The following TTC21B variants were observed in gnomAD, a reference collection of about 807,000 sequenced individuals.
The protein encoded by TTC21B is tetratricopeptide repeat protein 21B.
TTC21B carries 127 observed loss-of-function variants against 175.1 expected under a neutral mutation model. The ratio of observed to expected loss-of-function variants is 0.73; its 90% CI spans 0.63 to 0.84. TTC21B has a LOEUF of 0.84. TTC21B is among the 40% of genes least tolerant of loss of function. The pLI is 0.00. For synonymous variants in TTC21B, 524 were observed against 524.5 expected (o/e 1.00, Z 0.01); for missense variants, 1,561 against 1,558.3 (o/e 1.00, Z -0.03).
chr2:165,923,442 C>CTT (rs772438655), intron 12 of TTC21B, among the ~76,000 whole-genome samples: 3 of 130,338 alleles, frequency 2.3e-5, no homozygotes, highest in Admixed American at 7.9e-5. Flanking sequence ...ATATGATGGT[C>CTT]TTTTTTTTTT....
At chr2:165,907,962 T>C (rs1327695824) in intron 18 of TTC21B, among the ~76,000 whole-genome samples, 178 bp from the exon 19 acceptor site, 1 of 151,886 alleles carries the variant, frequency 6.6e-6, no homozygotes, top group East Asian at 1.9e-4. Context: ...AAAGAAAAGA[T>C]TTAGGATAAA....
intron 27 of TTC21B, among the ~76,000 whole-genome samples, chr2:165,878,533 G>C (rs1383095940): frequency 2.0e-5 from 3 of 151,548 alleles, no homozygotes; most frequent in Non-Finnish European, 2.9e-5. Flanking sequence ...TGTAGATGTG[G>C]GTGTGTAGAT....
Position 165,917,310 on chromosome 2 carries a change from G to T in TTC21B, c.1846C>A (p.Arg616Ser). The stretch of plus-strand genomic sequence containing the variant: ...ATCAATTCAAGAAAGATCGATAAAC[G>T]ATGGCTTGTATCAACTTCAGTTTTT... ...DRKTEVDTSH[R>S]LSIFLELIDV... Residue 616 changes from arginine to serine, a missense_variant, in exon 14 of 29, where the codon CGT becomes AGT. Transcript: ENST00000243344. The T allele has an allele frequency of 1.2e-6, 2 of 1,614,124 alleles. No individual in the cohort carries two copies. Among genetic ancestry groups the T allele is most frequent in the Non-Finnish European group, 8.5e-7 (1 of 1,180,022 alleles).
At chr2:165,908,471 T>C (rs921311639) in intron 18 of TTC21B, among the ~76,000 whole-genome samples, 2 of 152,198 alleles carry the variant, frequency 1.3e-5, no homozygotes, top group African/African-American at 4.8e-5. Context: ...CCAAATGTTT[T>C]GTGTCTAAGA....
At chr2:165,899,910 C>T (rs750519254) in intron 20 of TTC21B, 30 bp from the exon 21 acceptor site, 1 of 1,314,210 alleles carries the variant, frequency 7.6e-7, no homozygotes, top group Non-Finnish European at 1.1e-6. Flanking sequence ...ATTCATCAGA[C>T]ACTGTATAGA....
intron 8 of TTC21B, 139 bp downstream of exon 8, chr2:165,931,619 C>T (rs1202865182): frequency 2.7e-6 from 2 of 751,476 alleles, no homozygotes; most frequent in Non-Finnish European, 4.6e-6. Flanking sequence ...TCTAAACTGC[C>T]TTTCCTAGGA....
chr2:165,921,945 G>A (rs1686424605), intron 12 of TTC21B, among the ~76,000 whole-genome samples: 2 of 151,846 alleles, frequency 1.3e-5, no homozygotes, highest in African/African-American at 2.4e-5. Flanking sequence ...TGTACCCAAT[G>A]TACATAGTCT....
chr2:165,943,192 G>C, intron 5 of TTC21B, 27 bp downstream of exon 5: 2 of 1,611,436 alleles, frequency 1.2e-6, no homozygotes, highest in Non-Finnish European at 1.7e-6. Flanking sequence ...TTTGAAACAT[G>C]ATTTATTTAC....
chr2:165,898,716 GA>G lies in TTC21B; in HGVS notation c.2919del (p.His974IlefsTer6). The G allele has an allele frequency of 6.2e-7, 1 of 1,613,442 alleles. No homozygotes were observed. Among genetic ancestry groups the G allele is most frequent in the South Asian group, 1.1e-5 (1 of 91,068 alleles). On this transcript the variant is annotated frameshift_variant, in exon 22 of 29. Transcript: ENST00000243344. LOFTEE classifies it high-confidence loss of function. ...TTACGTTCTAAAAGCTGCTGTAAAT[GA>G]AACACTGCTTGTTCATAGTCTTGTT... The part of the protein sequence containing the change: ...FRKQDYEQAV[F>X]HLQQLLERKP...
At chr2:165,918,302 A>AT (rs924464965) in intron 13 of TTC21B, among the ~76,000 whole-genome samples, 39 of 149,874 alleles carry the variant, frequency 2.6e-4, no homozygotes, top group African/African-American at 7.1e-4. Context: ...ATTTTCTGCA[A>AT]TTTTTTTTTT....
intron 14 of TTC21B, among the ~76,000 whole-genome samples, chr2:165,915,699 A>G (rs1009943365): frequency 6.6e-6 from 1 of 152,174 alleles, no homozygotes; most frequent in Non-Finnish European, 1.5e-5. Context: ...GGTCACTGCT[A>G]CTATATTAAT....
chr2:165,911,614 T>C, intron 17 of TTC21B, 149 bp from the exon 18 acceptor site: 2 of 805,580 alleles, frequency 2.5e-6, no homozygotes, highest in Non-Finnish European at 4.2e-6. Context: ...CAATTAAGTA[T>C]GTCATACTTC....
chr2:165,907,201 C>T (rs1685769290), intron 19 of TTC21B, among the ~76,000 whole-genome samples: 1 of 151,730 alleles, frequency 6.6e-6, no homozygotes, highest in East Asian at 1.9e-4. Flanking sequence ...TTGATAGATG[C>T]AGATAGTATA....
chr2:165,935,000 T>G (rs1266751359), intron 6 of TTC21B, among the ~76,000 whole-genome samples: 1 of 152,176 alleles, frequency 6.6e-6, no homozygotes, highest in Non-Finnish European at 1.5e-5. Flanking sequence ...GTGGTCAACG[T>G]GAAATAAAGT....
At chr2:165,907,638 C>T in intron 19 of TTC21B, 40 bp downstream of exon 19, 1 of 1,369,018 alleles carries the variant, frequency 7.3e-7, no homozygotes, top group Non-Finnish European at 1.0e-6. Flanking sequence ...CTGCATCCAT[C>T]TCCTACCTCA....
intron 17 of TTC21B, 25 bp downstream of exon 17, chr2:165,912,489 A>G (rs994846210): frequency 3.2e-6 from 5 of 1,555,714 alleles, no homozygotes; most frequent in Non-Finnish European, 4.4e-6. Flanking sequence ...TGCAACAGAC[A>G]TATTTCAAAC....
At chr2:165,940,256 C>T (rs1687317661) in intron 6 of TTC21B, among the ~76,000 whole-genome samples, 1 of 152,190 alleles carries the variant, frequency 6.6e-6, no homozygotes, top group Non-Finnish European at 1.5e-5. Flanking sequence ...GTTCTCCCTG[C>T]TTCTGCCTTT....
chr2:165,932,831 A>T, intron 7 of TTC21B, 142 bp downstream of exon 7: 1 of 725,794 alleles, frequency 1.4e-6, no homozygotes, highest in South Asian at 1.7e-5. Flanking sequence ...ATACTCTAGT[A>T]ATCAACTAAA....
chr2:165,884,539 C>G (rs1339206146), intron 25 of TTC21B, among the ~76,000 whole-genome samples: 1 of 152,062 alleles, frequency 6.6e-6, no homozygotes, highest in African/African-American at 2.4e-5. Flanking sequence ...ACCTCTTCTC[C>G]CAATAAAGTT....
Sources: gnomAD v4.1 joint callset for allele counts (sites outside exome capture counted in the v4.1 genomes callset) on GRCh38, gnomAD v4.1.1 for gene constraint, MANE v1.5 for transcripts, NCBI Gene and HGNC (gene_info 2026-07-23, HGNC 2026-07-21) for gene names.